ZNF362: variants seen among roughly 807,000 people sequenced by gnomAD.
ZNF362 encodes rotund homolog.
A neutral mutation model predicts 42.9 loss-of-function variants in ZNF362; 11 were observed. The ratio of observed to expected loss-of-function variants is 0.26; its 90% confidence interval spans 0.16 to 0.42. The LOEUF (loss-of-function observed/expected upper bound fraction) is 0.42, where lower values mean the gene tolerates loss of function less well. ZNF362 is among the 20% of genes least tolerant of loss of function. The pLI is 1.00. For synonymous variants in ZNF362, 255 were observed against 257.3 expected, an observed-to-expected ratio of 0.99 and a Z score of 0.09; for missense variants, 362 against 576.2, an observed-to-expected ratio of 0.63 and a Z score of 3.81.
intron 4 of ZNF362, among the ~76,000 whole-genome samples, chr1:33,279,227 G>A (rs1043055732): frequency 1.7e-4 from 26 of 152,132 alleles, no homozygotes; most frequent in Non-Finnish European, 2.6e-4. Context: ...GTTTTGCCAC[G>A]TTGCCCAGGC....
intron 8 of ZNF362, among the ~76,000 whole-genome samples, chr1:33,297,481 A>G (rs971177175): frequency 6.7e-6 from 1 of 149,844 alleles, no homozygotes; most frequent in East Asian, 1.9e-4. Context: ...TGTGTCACGA[A>G]TGCCATGATT....
rs1309045892 is a variant in ZNF362 at position 33,281,317 on chromosome 1, C to T, written c.684-270C>T. On this transcript the variant is annotated intron_variant, in intron 5 of 8. Coordinates refer to ENST00000539719, the MANE Select transcript of ZNF362 (RefSeq NM_152493.3). The surrounding 1 kb of genome is among the most constrained non-coding windows in gnomAD (Gnocchi z 4.8). ...ACCGTGGGATATAGCCCTGGGCAAACCCTCACCAGGATCAGGCCTGTCTTC... is the reference window on the plus strand; with the variant it reads ...ACCGTGGGATATAGCCCTGGGCAAATCCTCACCAGGATCAGGCCTGTCTTC... 6.6e-6 allele frequency among the ~76,000 whole-genome samples: 1 copy of T among 152,168 alleles called. No homozygotes were observed. Among genetic ancestry groups the T allele is most frequent in the Non-Finnish European group, 1.5e-5 (1 of 68,022 alleles).
the ZNF362 span, among the ~76,000 whole-genome samples, chr1:33,151,899 T>C: frequency 6.6e-6 from 1 of 152,178 alleles, no homozygotes; most frequent in East Asian, 1.9e-4. Context: ...AGTGAGTGGA[T>C]TGTGTTTCTT....
the ZNF362 span, among the ~76,000 whole-genome samples, chr1:33,246,825 C>T: frequency 6.6e-6 from 1 of 152,126 alleles, no homozygotes; most frequent in Admixed American, 6.5e-5. Context: ...CATTATAGAC[C>T]CTGCCTTACT....
chr1:33,216,362 G>T, the ZNF362 span, among the ~76,000 whole-genome samples: 7 of 146,642 alleles, frequency 4.8e-5, no homozygotes, highest in Admixed American at 3.5e-4. Context: ...AGCATTTTGG[G>T]AGGCTGAAGC....
intron 1 of ZNF362, among the ~76,000 whole-genome samples, chr1:33,267,650 T>C (rs974633741): frequency 6.6e-6 from 1 of 152,212 alleles, no homozygotes; most frequent in Non-Finnish European, 1.5e-5. Flanking sequence ...GTGCCTTCAG[T>C]TCCTGACAGG....
intron 4 of ZNF362, among the ~76,000 whole-genome samples, chr1:33,278,692 T>C (rs1645968723): frequency 2.0e-5 from 3 of 152,202 alleles, no homozygotes; most frequent in Admixed American, 2.0e-4. Context: ...CCAAACTACG[T>C]ATGTAGTTTG....
the ZNF362 span, among the ~76,000 whole-genome samples, chr1:33,221,198 T>C: frequency 6.6e-6 from 1 of 151,010 alleles, no homozygotes; most frequent in Non-Finnish European, 1.5e-5. Flanking sequence ...TGGAATCCTA[T>C]CAATCCCTCC....
Position 33,299,146 on chromosome 1 carries a change from C to A in ZNF362, c.*100C>A. On this transcript the variant is annotated 3_prime_UTR_variant, in exon 9 of 9. Transcript: ENST00000539719. ...CGGGGGCCCTCCAGGAACCACCAAG[C>A]TCTCTCACGACCTTCCCAATCTTCC... 2 of 874,440 alleles carry A rather than the reference C, an allele frequency of 2.3e-6. No homozygotes were observed. Among genetic ancestry groups the A allele is most frequent in the African/African-American group, 1.6e-5 (1 of 60,758 alleles). The allele number at this position is 874,440 out of a possible 1,614,324, so 54.2% of individuals were successfully genotyped here.
the ZNF362 span, among the ~76,000 whole-genome samples, chr1:33,166,847 G>A: frequency 6.6e-6 from 1 of 152,224 alleles, no homozygotes; most frequent in Non-Finnish European, 1.5e-5. Context: ...AGCATTGTTA[G>A]TGATCCTGGC....
the ZNF362 span, among the ~76,000 whole-genome samples, chr1:33,171,552 C>T: frequency 6.6e-6 from 1 of 152,144 alleles, no homozygotes; most frequent in Admixed American, 6.5e-5. Context: ...TTTCTGAGTA[C>T]CCAATGAGTG....
At chr1:33,204,017 T>C in the ZNF362 span, among the ~76,000 whole-genome samples, 1 of 152,164 alleles carries the variant, frequency 6.6e-6, no homozygotes, top group Admixed American at 6.5e-5. Context: ...TAGCCTGAGC[T>C]TTTTGTGTGA....
the ZNF362 span, among the ~76,000 whole-genome samples, chr1:33,174,444 A>G: frequency 6.6e-6 from 1 of 152,158 alleles, no homozygotes; most frequent in Non-Finnish European, 1.5e-5. Flanking sequence ...TTGACCTCTC[A>G]AAGTACTGGA....
the ZNF362 span, among the ~76,000 whole-genome samples, chr1:33,159,087 C>G: frequency 6.6e-6 from 1 of 151,894 alleles, no homozygotes; most frequent in Non-Finnish European, 1.5e-5. The surrounding 1 kb of genome is among the most constrained non-coding windows in gnomAD (Gnocchi z 4.2). Context: ...TCAGGTAATC[C>G]ACCTGCCTCG....
At chr1:33,271,160 T>C (rs1467487142) in intron 2 of ZNF362, among the ~76,000 whole-genome samples, 2 of 152,208 alleles carry the variant, frequency 1.3e-5, no homozygotes, top group Non-Finnish European at 2.9e-5. Flanking sequence ...CTGCTTCAAG[T>C]CTAGCCTTCA....
chr1:33,193,225 G>T, the ZNF362 span, among the ~76,000 whole-genome samples: 2 of 152,180 alleles, frequency 1.3e-5, no homozygotes, highest in Non-Finnish European at 2.9e-5. Context: ...GGAAGCAATT[G>T]TAATCACAAT....
the ZNF362 span, among the ~76,000 whole-genome samples, chr1:33,211,584 C>T: frequency 0.73 from 110,310 of 152,074 alleles, 40,262 homozygotes; most frequent in Non-Finnish European, 0.76. Flanking sequence ...TTCTGGTTTG[C>T]AGGGTTTCTG....
At position 33,281,593 on chromosome 1, in the gene ZNF362, G is replaced by A. The variant is rs200342724; in HGVS notation, c.690G>A (p.Lys230=). ...CCTGTCTCTTGCTCCGCAGGTGTAAGGTATGCCCACTGACCTTTTTCACCA... is the reference window on the plus strand; with the variant it reads ...CCTGTCTCTTGCTCCGCAGGTGTAAAGTATGCCCACTGACCTTTTTCACCA... ...TAKEGKTYRC[K]VCPLTFFTKS... is the part of the protein sequence containing the mutation. Residue 230 remains lysine (K), a synonymous_variant, in exon 6 of 9, where the codon AAG becomes AAA. Coordinates refer to ENST00000539719, the MANE Select transcript of ZNF362 (RefSeq NM_152493.3). The surrounding 1 kb of genome is among the most constrained non-coding windows in gnomAD (Gnocchi z 4.8). 44 of 1,614,076 alleles carry A rather than the reference G, an allele frequency of 2.7e-5. No homozygotes were observed. Among genetic ancestry groups the A allele is most frequent in the Non-Finnish European group, 3.4e-5 (40 of 1,180,040 alleles).
At chr1:33,160,724 A>C in the ZNF362 span, among the ~76,000 whole-genome samples, 10 of 152,190 alleles carry the variant, frequency 6.6e-5, no homozygotes, top group Non-Finnish European at 1.5e-4. Flanking sequence ...ATTTTAAAAA[A>C]ATCATTCATG....
Sources: allele counts gnomAD v4.1 joint callset (sites outside exome capture counted in the v4.1 genomes callset), GRCh38; gene constraint gnomAD v4.1.1; non-coding constraint Gnocchi (gnomAD v3.1); transcripts MANE v1.5; gene names NCBI Gene and HGNC (gene_info 2026-07-23, HGNC 2026-07-21).